The following PCDHA9 variants were observed in gnomAD, a reference collection of about 807,000 sequenced individuals.
PCDHA9 encodes protocadherin alpha-9.
In PCDHA9, 62 loss-of-function variants were observed where a neutral mutation model predicts 62.0. That is an observed-to-expected ratio of 1.00 (90% CI 0.81 to 1.23). The LOEUF (loss-of-function observed/expected upper bound fraction) is 1.23. Ranked by LOEUF, PCDHA9 falls within the 50% of genes most tolerant of loss-of-function variation. PCDHA9 has a pLI of 0.00. For synonymous variants in PCDHA9, 557 were observed against 567.6 expected (o/e 0.98, Z 0.27); for missense variants, 1,205 against 1,249.8 (o/e 0.96, Z 0.54).
chr5:140,937,106 C>T (rs2091337574), intron 1 of PCDHA9, among the ~76,000 whole-genome samples: 1 of 149,206 alleles, frequency 6.7e-6, no homozygotes, highest in Admixed American at 6.7e-5. Context: ...GGCGCAGTCT[C>T]GGCTCACTGC....
At chr5:140,968,253 C>A (rs782229675) in intron 1 of PCDHA9, 3 of 1,613,908 alleles carry the variant, frequency 1.9e-6, no homozygotes, top group Non-Finnish European at 2.5e-6. Flanking sequence ...GCCACAGACC[C>A]AGATGAAAAG....
intron 1 of PCDHA9, chr5:140,883,145 T>C (rs2059462627): frequency 6.2e-7 from 1 of 1,613,988 alleles, no homozygotes; most frequent in Admixed American, 1.7e-5. Context: ...GGTATATGCA[T>C]TTACCATAAA....
chr5:140,908,848 C>T (rs949816953), intron 1 of PCDHA9, among the ~76,000 whole-genome samples: 4 of 152,126 alleles, frequency 2.6e-5, no homozygotes, highest in East Asian at 3.9e-4. Context: ...GAGTAACATA[C>T]CCAAATGAGG....
intron 1 of PCDHA9, 126 bp downstream of exon 1, chr5:140,851,015 G>T: frequency 7.0e-7 from 1 of 1,432,294 alleles, no homozygotes. Flanking sequence ...TTTTTTTTCT[G>T]ATAAAGTAAA....
chr5:140,862,984 G>A (rs1420012474), intron 1 of PCDHA9: 1 of 546,626 alleles, frequency 1.8e-6, no homozygotes, highest in Non-Finnish European at 3.6e-6. Context: ...TGGTGGCGAA[G>A]GTGCGCACGG....
chr5:140,967,154 G>A, intron 1 of PCDHA9: 2 of 1,610,730 alleles, frequency 1.2e-6, no homozygotes, highest in Non-Finnish European at 1.7e-6. Flanking sequence ...CAACCCCGTG[G>A]CGGTGAGCGC....
At position 140,951,544 on chromosome 5, in the gene PCDHA9, G is replaced by A. The variant is rs543008494; in HGVS notation, c.2395-27405G>A. On this transcript the variant is annotated intron_variant, in intron 1 of 3. Transcript: ENST00000532602. ...CATGGCCGGTGCAGGAGCAAGGGAC[G>A]GGGGGAAGTGCTACGCACTTTTAAA... Among the ~76,000 whole-genome samples the A allele has an allele frequency of 1.4e-3, 220 of 151,994 alleles. 1 individual carries two copies. The highest frequency in any genetic ancestry group is 4.9e-3 in the African/African-American group (204 of 41,462).
intron 1 of PCDHA9, chr5:140,966,800 G>A: frequency 6.5e-7 from 1 of 1,540,654 alleles, no homozygotes; most frequent in Non-Finnish European, 8.7e-7. Context: ...TGCGGCGACA[G>A]AGCATCCACG....
chr5:140,857,437 G>A (rs1554150030), intron 1 of PCDHA9: 2 of 1,598,552 alleles, frequency 1.3e-6, no homozygotes, highest in East Asian at 4.5e-5. Context: ...CGGTGTTCGT[G>A]AAGGAGAACA....
At chr5:140,989,413 T>G (rs1234033175) in intron 3 of PCDHA9, among the ~76,000 whole-genome samples, 3 of 152,172 alleles carry the variant, frequency 2.0e-5, no homozygotes, top group Non-Finnish European at 4.4e-5. Context: ...GAGTCTGCAC[T>G]TCACTCTGTG....
At chr5:140,853,171 G>T (rs2150529478) in intron 1 of PCDHA9, 1 of 965,252 alleles carries the variant, frequency 1.0e-6, no homozygotes, top group Non-Finnish European at 1.3e-6. Flanking sequence ...GAGCCACCGC[G>T]CCTGGCCTAA....
At chr5:140,909,439 G>C (rs1348703640) in intron 1 of PCDHA9, among the ~76,000 whole-genome samples, 1 of 152,210 alleles carries the variant, frequency 6.6e-6, no homozygotes, top group Admixed American at 6.5e-5. Context: ...ATAATCCACT[G>C]TCATTCTCCA....
intron 1 of PCDHA9, chr5:140,876,781 G>A: frequency 6.2e-7 from 1 of 1,614,240 alleles, no homozygotes; most frequent in Non-Finnish European, 8.5e-7. Flanking sequence ...TTCGCTGTGG[G>A]CCACGGCTAG....
intron 1 of PCDHA9, among the ~76,000 whole-genome samples, chr5:140,901,940 T>A (rs1444811552): frequency 6.6e-6 from 1 of 152,172 alleles, no homozygotes; most frequent in Non-Finnish European, 1.5e-5. Context: ...CCTAGGTATA[T>A]TTAGTTTTAT....
intron 2 of PCDHA9, among the ~76,000 whole-genome samples, chr5:140,981,054 G>T (rs1024298698): frequency 1.3e-5 from 2 of 152,182 alleles, no homozygotes; most frequent in Admixed American, 1.3e-4. Flanking sequence ...GATAATTCTA[G>T]AGTGTAGACA....
In PCDHA9 at chr5:140,882,349, T is replaced by G. The variant is rs782020720; in HGVS notation, c.2394+31460T>G. On this transcript the variant is annotated intron_variant, in intron 1 of 3. Transcript: ENST00000532602. ...TGATCCTCGCAGCCTGGGAGACGGG[T>G]AGTGGCCAGCTCCACTACTCCGTCC... 9 of 1,613,872 alleles carry G rather than the reference T, an allele frequency of 5.6e-6. No individual in the cohort carries two copies. The Admixed American group carries it at 1.3e-4, about 24-fold the overall frequency.
chr5:140,893,954 T>C (rs115606551), intron 1 of PCDHA9, among the ~76,000 whole-genome samples: 1,862 of 152,344 alleles, frequency 0.012, 45 homozygotes, highest in African/African-American at 0.042. Flanking sequence ...CATGACTTTA[T>C]TAGTCATTAG....
chr5:140,873,230 A>G (rs888976655), intron 1 of PCDHA9, among the ~76,000 whole-genome samples: 2 of 152,354 alleles, frequency 1.3e-5, no homozygotes, highest in Admixed American at 1.3e-4. Context: ...AGGCAACAAT[A>G]TAAAAATATA....
Position 141,010,391 on chromosome 5 carries a change from C to T in PCDHA9, c.*454C>T, listed in dbSNP as rs976643195. The T allele has an allele frequency of 2.2e-5, 30 of 1,386,642 alleles. No homozygotes were observed. Among genetic ancestry groups the T allele is most frequent in the South Asian group, 2.9e-5 (2 of 68,924 alleles). The allele number at this position is 1,386,642 out of a possible 1,614,324, so 85.9% of individuals were successfully genotyped here. A position where few individuals can be genotyped will look rare whatever the true frequency, so the allele number is the denominator to read the frequency against. The stretch of plus-strand genomic sequence containing the variant: ...TGCGAGTGCCAGATATTGGCTGAGA[C>T]GAGCCAGCTTAGACTAATTGGTACA... On this transcript the variant is annotated 3_prime_UTR_variant, in exon 4 of 4. Transcript: ENST00000532602.
Sources: gnomAD v4.1 joint callset for allele counts (sites outside exome capture counted in the v4.1 genomes callset) on GRCh38, gnomAD v4.1.1 for gene constraint, MANE v1.5 for transcripts, NCBI Gene and HGNC (gene_info 2026-07-23, HGNC 2026-07-21) for gene names.